Variants in GRID2IP observed in about 807,000 individuals in gnomAD.
GRID2IP encodes the protein Grid2 interacting protein.
GRID2IP carries 78 observed loss-of-function variants against 114.3 expected under a neutral mutation model. That is an observed-to-expected ratio of 0.68 (90% CI 0.57 to 0.82). The LOEUF (loss-of-function observed/expected upper bound fraction) is 0.82, where lower values mean the gene tolerates loss of function less well. Ranked by LOEUF, GRID2IP falls within the 40% of genes least tolerant of loss-of-function variation. The pLI, the probability that GRID2IP is intolerant of heterozygous loss-of-function variation, is 0.00. For synonymous variants in GRID2IP, 809 were observed against 724.0 expected (o/e 1.12, Z -1.89); for missense variants, 1,727 against 1,678.5 (o/e 1.03, Z -0.51).
rs749344791 is a variant in GRID2IP at position 6,503,061 on chromosome 7, G to A, written c.3010C>T (p.Arg1004Cys). Residue 1004 changes from arginine (R) to cysteine (C), a missense_variant, in exon 17 of 22, where the codon CGC (arginine) becomes TGC (cysteine). By Grantham distance (180) the Arg-to-Cys change is radical. Transcript: ENST00000457091. ...TTTTTGAGCTCCAGGGAGGCCTGGC[G>A]CAAGCATTCAAGGCTGCCTCGGATC... ...EEIRGSLECL[R>C]QASLELKNSR... 1.9e-6 allele frequency: 3 copies of A among 1,551,546 alleles called. No homozygotes were observed. Among genetic ancestry groups the A allele is most frequent in the South Asian group, 1.2e-5 (1 of 84,064 alleles).
rs1052324095 is a variant in GRID2IP at position 6,532,690 on chromosome 7, C to A, written c.585-5921G>T. 3.9e-5 allele frequency among the ~76,000 whole-genome samples: 6 copies of A among 152,240 alleles called. No homozygotes were observed. The highest frequency in any genetic ancestry group is 6.5e-5 in the Admixed American group (1 of 15,284). ...TCTCTGTCGTCTGTGGGGCCCCAGC[C>A]ATCCCATTATGATTGGAGCCATTCC... On this transcript the variant is annotated intron_variant, in intron 2 of 21. Coordinates refer to ENST00000457091, the MANE Select transcript of GRID2IP (RefSeq NM_001145118.2). This position sits in a 1 kb window ranked among gnomAD's most constrained non-coding sequence, Gnocchi z 4.4.
chr7:6,498,259 C>A (rs1396011841), intron 20 of GRID2IP, 31 bp from the exon 21 acceptor site: 2 of 1,510,210 alleles, frequency 1.3e-6, no homozygotes, highest in South Asian at 1.3e-5. Context: ...AAACAGCCAG[C>A]CCGCTTGTGC....
At chr7:6,545,678 G>A (rs900623806) in intron 1 of GRID2IP, among the ~76,000 whole-genome samples, 2 of 152,176 alleles carry the variant, frequency 1.3e-5, no homozygotes, top group Non-Finnish European at 2.9e-5. Context: ...GATGATCCGG[G>A]GTCTCATGCT....
Position 6,526,911 on chromosome 7 carries a change from G to A in GRID2IP, c.585-142C>T, listed in dbSNP as rs1779525432. 1.0e-6 allele frequency: 1 copy of A among 988,002 alleles called. No individual in the cohort carries two copies. Among genetic ancestry groups the A allele is most frequent in the Non-Finnish European group, 1.4e-6 (1 of 730,236 alleles). The allele number at this position is 988,002 out of a possible 1,614,324, so 61.2% of individuals were successfully genotyped here. On this transcript the variant is annotated intron_variant, in intron 2 of 21. Transcript: ENST00000457091. The surrounding 1 kb of genome is among the most constrained non-coding windows in gnomAD (Gnocchi z 7.6). ...AGTGGCGGAGGGCTGGGGGGATCGG[G>A]ATGAGCAGCCGGTAGCACCCCAGTC...
At chr7:6,546,918 T>C (rs1463904115) in intron 1 of GRID2IP, among the ~76,000 whole-genome samples, 1 of 152,122 alleles carries the variant, frequency 6.6e-6, no homozygotes, top group Non-Finnish European at 1.5e-5. Flanking sequence ...TCTGGGATTG[T>C]AGCAGGCATT....
intron 2 of GRID2IP, among the ~76,000 whole-genome samples, chr7:6,537,229 A>AT (rs1308070369): frequency 6.6e-5 from 10 of 151,450 alleles, no homozygotes; most frequent in South Asian, 4.2e-4. Context: ...ACCCACCAGT[A>AT]TTTTTTTTCT....
At chr7:6,499,675 C>T (rs1786359195) in intron 20 of GRID2IP, among the ~76,000 whole-genome samples, 1 of 151,926 alleles carries the variant, frequency 6.6e-6, no homozygotes, top group Non-Finnish European at 1.5e-5. Flanking sequence ...AGGTGATCTG[C>T]CCTCCTTGGC....
At chr7:6,510,585 C>A in intron 10 of GRID2IP, 24 bp downstream of exon 10, 1 of 1,501,002 alleles carries the variant, frequency 6.7e-7, no homozygotes, top group Non-Finnish European at 8.9e-7. Flanking sequence ...ACTGACCCCA[C>A]GTGGAGGGCA....
At position 6,529,958 on chromosome 7, in the gene GRID2IP, TC is replaced by T. The variant is rs1562521757; in HGVS notation, c.585-3190del. Among the ~76,000 whole-genome samples the T allele has an allele frequency of 2.0e-3, 204 of 103,226 alleles. 3 individuals are homozygous for T. The highest frequency in any genetic ancestry group is 6.5e-3 in the South Asian group (22 of 3,402). The allele number at this position is 103,226 out of a possible 152,430, so 67.7% of individuals were successfully genotyped here. ...ACCCAGCTTTCTCTCTCTCTCTCTC[TC>T]TCTTTTTTTTTTTTTTTAAGACAAA... On this transcript the variant is annotated intron_variant, in intron 2 of 21. Transcript: ENST00000457091.
At chr7:6,505,064 G>A (rs531558286) in intron 14 of GRID2IP, among the ~76,000 whole-genome samples, 194 bp from the exon 15 acceptor site, 3 of 152,274 alleles carry the variant, frequency 2.0e-5, no homozygotes, top group South Asian at 2.1e-4. Context: ...CCCCCGCCCC[G>A]TGTCCTGTGC....
At chr7:6,547,054 T>C (rs1779899268) in intron 1 of GRID2IP, among the ~76,000 whole-genome samples, 1 of 152,180 alleles carries the variant, frequency 6.6e-6, no homozygotes, top group Non-Finnish European at 1.5e-5. Context: ...GGACAGGTGC[T>C]GTTCTAAGAG....
intron 15 of GRID2IP, among the ~76,000 whole-genome samples, chr7:6,504,571 C>T (rs1406057403): frequency 1.3e-5 from 2 of 152,060 alleles, no homozygotes; most frequent in Non-Finnish European, 2.9e-5. Context: ...GGAGGCGGGG[C>T]CAGAACCGGG....
intron 20 of GRID2IP, 116 bp downstream of exon 20, chr7:6,501,665 G>T: frequency 1.3e-6 from 1 of 748,140 alleles, no homozygotes; most frequent in Non-Finnish European, 2.3e-6. Context: ...ACAGCAACCT[G>T]TGTCCAGAAT....
intron 2 of GRID2IP, among the ~76,000 whole-genome samples, chr7:6,538,394 A>G (rs1164954615): frequency 1.4e-5 from 2 of 147,790 alleles, no homozygotes; most frequent in East Asian, 2.0e-4. Context: ...ACAAAACAAA[A>G]CAAAACAAAA....
At position 6,498,207 on chromosome 7, in the gene GRID2IP, G is replaced by C; in HGVS notation, c.3421C>G (p.Pro1141Ala). The change falls in exon 21 of 22, where the codon CCA (proline) becomes GCA (alanine). Residue 1141 changes from proline (P) to alanine (A), a missense_variant. Pro to Ala is a conservative substitution (Grantham distance 27). Transcript: ENST00000457091. ...VMSSFLETAQ[P>A]ALRALDGLQR... ...AGCCCGTCGAGCGCCCGAAGTGCTG[G>C]CTGGGCCGTCTCCAGGAAGGACTGA... 6.5e-7 allele frequency: 1 copy of C among 1,547,340 alleles called. No homozygotes were observed. The highest frequency in any genetic ancestry group is 8.7e-7 in the Non-Finnish European group (1 of 1,145,554).
intron 8 of GRID2IP, among the ~76,000 whole-genome samples, chr7:6,513,979 C>T (rs1338478119): frequency 7.5e-6 from 1 of 132,816 alleles, no homozygotes; most frequent in Non-Finnish European, 1.6e-5. Flanking sequence ...AAAGGCTGGG[C>T]GTGGTGGCTC....
At chr7:6,535,934 C>T (rs1173051787) in intron 2 of GRID2IP, among the ~76,000 whole-genome samples, 1 of 152,146 alleles carries the variant, frequency 6.6e-6, no homozygotes, top group Non-Finnish European at 1.5e-5. Context: ...CTCCACCAGT[C>T]ACTAAGCCAC....
chr7:6,500,947 CTT>C (rs1786397499), intron 20 of GRID2IP, among the ~76,000 whole-genome samples: 1 of 152,208 alleles, frequency 6.6e-6, no homozygotes, highest in Non-Finnish European at 1.5e-5. Context: ...AATTTTGACA[CTT>C]AGCTCTGGGC....
At position 6,508,081 on chromosome 7, in the gene GRID2IP, C is replaced by T. The variant is rs1786646395; in HGVS notation, c.2448G>A (p.Arg816=). 8 of 1,530,772 alleles carry T rather than the reference C, an allele frequency of 5.2e-6. No individual in the cohort carries two copies. Among genetic ancestry groups the T allele is most frequent in the Non-Finnish European group, 7.0e-6 (8 of 1,137,396 alleles). The allele number at this position is 1,530,772 out of a possible 1,614,324, so 94.8% of individuals were successfully genotyped here. A position where few individuals can be genotyped will look rare whatever the true frequency, so the allele number is the denominator to read the frequency against. Residue 816 remains arginine (R), a synonymous_variant, in exon 13 of 22, where the codon CGG becomes CGA. Coordinates refer to ENST00000457091, the MANE Select transcript of GRID2IP (RefSeq NM_001145118.2). The surrounding 1 kb of genome is among the most constrained non-coding windows in gnomAD (Gnocchi z 5.6). ...PVPCAPPMLS[R]GLGHRRSETS... The stretch of plus-strand genomic sequence containing the variant: ...TCTCACTGCGCCGGTGGCCCAGGCC[C>T]CGGGACAGCATGGGGGGTGCACAGG...
Sources: allele counts gnomAD v4.1 joint callset (sites outside exome capture counted in the v4.1 genomes callset), GRCh38; gene constraint gnomAD v4.1.1; non-coding constraint Gnocchi (gnomAD v3.1); transcripts MANE v1.5; gene names NCBI Gene and HGNC (gene_info 2026-07-23, HGNC 2026-07-21).